The following CSMD3 variants were observed in gnomAD, a reference collection of about 807,000 sequenced individuals.
CSMD3 encodes CUB and sushi domain-containing protein 3.
In CSMD3, 177 loss-of-function variants were observed where a neutral mutation model predicts 435.2. That is an observed-to-expected ratio of 0.41 (90% confidence interval 0.36 to 0.46). The LOEUF (loss-of-function observed/expected upper bound fraction) is 0.46, where lower values mean the gene tolerates loss of function less well. Ranked by LOEUF, CSMD3 falls within the 20% of genes least tolerant of loss-of-function variation. The pLI is 0.34. For synonymous variants in CSMD3, 1,656 were observed against 1,520.5 expected, an observed-to-expected ratio of 1.09 and a Z score of -2.07; for missense variants, 4,265 against 4,504.6, an observed-to-expected ratio of 0.95 and a Z score of 1.52.
chr8:112,333,129 G>A (rs1332349107), intron 45 of CSMD3, among the ~76,000 whole-genome samples: 9 of 152,086 alleles, frequency 5.9e-5, no homozygotes, highest in Non-Finnish European at 1.2e-4. Context: ...AAAATCAAGG[G>A]TTAAATGAAT....
intron 5 of CSMD3, among the ~76,000 whole-genome samples, chr8:113,038,157 C>T (rs1258943628): frequency 2.6e-5 from 4 of 152,012 alleles, no homozygotes; most frequent in South Asian, 4.1e-4. Context: ...TGTCAGTCAA[C>T]ATACGTATTA....
intron 10 of CSMD3, among the ~76,000 whole-genome samples, chr8:112,920,991 G>C (rs1041743048): frequency 4.5e-5 from 5 of 111,300 alleles, no homozygotes; most frequent in Admixed American, 4.3e-4. Context: ...ACACATACGC[G>C]CGCGCGCACA....
In CSMD3 at chr8:113,098,933, C is replaced by T; in HGVS notation, c.740G>A (p.Gly247Glu). The part of the protein sequence containing the change: ...AEDACGGTMR[G>E]SSGIISSPSF... ...AGGGCTGGATATGATGCCACTGGAT[C>T]CTCTCATTGTTCCTCCACAAGCATC... Residue 247 changes from glycine to glutamate, a missense_variant, in exon 5 of 71, where the codon GGA becomes GAA. This residue lies in a region of CSMD3 where 731 missense variants were observed against 755.4 expected (regional missense o/e 0.97). Transcript: ENST00000297405. 1 of 1,611,670 alleles carries T rather than the reference C, an allele frequency of 6.2e-7. No individual in the cohort carries two copies. The highest frequency in any genetic ancestry group is 1.1e-5 in the South Asian group (1 of 91,014).
Position 112,738,184 on chromosome 8 carries a change from C to A in CSMD3, c.1973-48134G>T, listed in dbSNP as rs532529429. Among the ~76,000 whole-genome samples the A allele has an allele frequency of 3.0e-4, 45 of 151,776 alleles. No homozygotes were observed. In the South Asian group the frequency reaches 9.3e-3, roughly 31 times the overall value. ...GTATGCTTATATGGCATTCTGAGGG[C>A]TTTTTTGAATTAGAAAATCAAAGAA... On this transcript the variant is annotated intron_variant, in intron 13 of 70. Coordinates refer to ENST00000297405, the MANE Select transcript of CSMD3 (RefSeq NM_198123.2).
intron 45 of CSMD3, among the ~76,000 whole-genome samples, chr8:112,324,591 G>GTGTGTA (rs1156496112): frequency 6.6e-6 from 1 of 151,750 alleles, no homozygotes; most frequent in Non-Finnish European, 1.5e-5. Context: ...GGGTGTGTGT[G>GTGTGTA]TGTGTGTGTG....
intron 22 of CSMD3, among the ~76,000 whole-genome samples, chr8:112,604,654 C>A (rs1832651262): frequency 6.6e-6 from 1 of 152,040 alleles, no homozygotes; most frequent in African/African-American, 2.4e-5. Flanking sequence ...TGGATTAAAG[C>A]CTTAAATGTA....
intron 6 of CSMD3, among the ~76,000 whole-genome samples, chr8:113,007,111 T>C (rs1456949792): frequency 6.6e-6 from 1 of 151,954 alleles, no homozygotes; most frequent in Non-Finnish European, 1.5e-5. Flanking sequence ...TCTTTCCTTA[T>C]ATAGGCTTCC....
At chr8:112,313,647 T>C (rs1266235083) in intron 49 of CSMD3, among the ~76,000 whole-genome samples, 2 of 152,092 alleles carry the variant, frequency 1.3e-5, no homozygotes, top group East Asian at 3.9e-4. Flanking sequence ...TTTTAGGACA[T>C]ATAGGATAAT....
intron 31 of CSMD3, among the ~76,000 whole-genome samples, chr8:112,478,275 T>C (rs1819270684): frequency 6.6e-6 from 1 of 152,058 alleles, no homozygotes; most frequent in African/African-American, 2.4e-5. Context: ...AATGTAGAAA[T>C]GGCTTTAGAA....
chr8:112,799,657 T>G lies in CSMD3; in HGVS notation c.1972+505A>C, dbSNP rs370909627. On this transcript the variant is annotated intron_variant, in intron 13 of 70. Coordinates refer to ENST00000297405, the MANE Select transcript of CSMD3 (RefSeq NM_198123.2). ...AATAAAATATTTTGTTAAACACACA[T>G]AGTTAATCATTGATCTGTATCTTTA... Among the ~76,000 whole-genome samples the G allele has an allele frequency of 4.3e-3, 661 of 152,074 alleles. 7 individuals are homozygous for G. Among genetic ancestry groups the G allele is most frequent in the African/African-American group, 0.015 (605 of 41,546 alleles).
At chr8:113,270,504 C>T (rs577319399) in intron 3 of CSMD3, among the ~76,000 whole-genome samples, 141 of 152,022 alleles carry the variant, frequency 9.3e-4, no homozygotes, top group Middle Eastern at 3.4e-3. Context: ...TAAGTCATGC[C>T]GCTATAAAGA....
intron 13 of CSMD3, among the ~76,000 whole-genome samples, chr8:112,741,674 C>G (rs1237492636): frequency 6.6e-6 from 1 of 151,756 alleles, no homozygotes; most frequent in Non-Finnish European, 1.5e-5. Flanking sequence ...CAAGATACAT[C>G]TCATGTTATC....
Position 112,314,480 on chromosome 8 carries a change from C to A in CSMD3, c.7498G>T (p.Val2500Leu), listed in dbSNP as rs2130836428. 1 of 1,612,722 alleles carries A rather than the reference C, an allele frequency of 6.2e-7. No homozygotes were observed. The highest frequency in any genetic ancestry group is 8.5e-7 in the Non-Finnish European group (1 of 1,178,882). Residue 2500 changes from valine (V) to leucine (L), a missense_variant, in exon 48 of 71, where the codon GTA becomes TTA. Val to Leu is a conservative substitution (Grantham distance 32). This residue lies in a region of CSMD3 where 3,255 missense variants were observed against 3,380.2 expected (regional missense o/e 0.96). Coordinates refer to ENST00000297405, the MANE Select transcript of CSMD3 (RefSeq NM_198123.2). ...VEKGYNITMF[V>L]EFFQTEKEFD... ...TCCTTTTCTGTCTGGAAGAATTCTA[C>A]AAACATGGTGATATTATAACCCTTT...
At chr8:112,523,107 T>G (rs1244930004) in intron 27 of CSMD3, among the ~76,000 whole-genome samples, 1 of 151,930 alleles carries the variant, frequency 6.6e-6, no homozygotes, top group Non-Finnish European at 1.5e-5. Context: ...ATCGACTTTT[T>G]GGTATAAACT....
chr8:112,725,980 T>C (rs2076955549), intron 13 of CSMD3, among the ~76,000 whole-genome samples: 1 of 151,978 alleles, frequency 6.6e-6, no homozygotes, highest in Admixed American at 6.6e-5. Context: ...CAGTTCAGCA[T>C]GGCTGTGGAG....
intron 6 of CSMD3, among the ~76,000 whole-genome samples, chr8:113,016,274 T>C (rs1300246018): frequency 1.3e-5 from 2 of 151,900 alleles, no homozygotes. Flanking sequence ...TGAATTGATA[T>C]AGAACTATGC....
chr8:112,840,911 G>C (rs1022642363), intron 11 of CSMD3, among the ~76,000 whole-genome samples: 1 of 151,606 alleles, frequency 6.6e-6, no homozygotes, highest in South Asian at 2.1e-4. Flanking sequence ...TACCAGCACT[G>C]TTATAGTGAT....
intron 27 of CSMD3, among the ~76,000 whole-genome samples, chr8:112,530,867 G>A (rs987892233): frequency 6.6e-6 from 1 of 152,290 alleles, no homozygotes; most frequent in Non-Finnish European, 1.5e-5. Flanking sequence ...AGCCACGGCA[G>A]AAGGGCTTAA....
chr8:112,766,324 T>C (rs1414820976), intron 13 of CSMD3, among the ~76,000 whole-genome samples: 2 of 151,552 alleles, frequency 1.3e-5, no homozygotes, highest in African/African-American at 4.8e-5. Flanking sequence ...GGTCAGAAGT[T>C]GGAATGTCAG....
Sources: gnomAD v4.1 joint callset for allele counts (sites outside exome capture counted in the v4.1 genomes callset) on GRCh38, gnomAD v4.1.1 for gene constraint, gnomAD v4.1.1 regional missense constraint, MANE v1.5 for transcripts, NCBI Gene and HGNC (gene_info 2026-07-23, HGNC 2026-07-21) for gene names.